DEPTOR: variants seen among roughly 807,000 people sequenced by gnomAD.
The protein encoded by DEPTOR is DEP domain-containing mTOR-interacting protein.
DEPTOR carries 41 observed loss-of-function variants against 41.6 expected under a neutral mutation model. The ratio of observed to expected loss-of-function variants is 0.98; its 90% CI spans 0.77 to 1.28. The LOEUF (loss-of-function observed/expected upper bound fraction) is 1.28. Ranked by LOEUF, DEPTOR falls within the 50% of genes most tolerant of loss-of-function variation. The probability of loss-of-function intolerance (pLI) is 0.00; values close to 1 mark genes in which losing one functional copy is unlikely to be tolerated. For synonymous variants in DEPTOR, 195 were observed against 192.3 expected, an observed-to-expected ratio of 1.01 and a Z score of -0.12; for missense variants, 514 against 527.9, an observed-to-expected ratio of 0.97 and a Z score of 0.26.
chr8:120,005,573 C>G (rs953335554), intron 6 of DEPTOR, among the ~76,000 whole-genome samples: 3 of 152,184 alleles, frequency 2.0e-5, no homozygotes, highest in Non-Finnish European at 4.4e-5. Flanking sequence ...CAAAGGGGAT[C>G]GGAGGATGCC....
intron 3 of DEPTOR, among the ~76,000 whole-genome samples, chr8:119,954,205 G>GCAATCACAGCAGT (rs1554675985): frequency 6.6e-6 from 1 of 151,476 alleles, no homozygotes; most frequent in Non-Finnish European, 1.5e-5. Context: ...GCACAGTGGT[G>GCAATCACAGCAGT]CAATCACAGC....
At chr8:119,907,003 G>A (rs921390144) in intron 1 of DEPTOR, among the ~76,000 whole-genome samples, 2 of 152,162 alleles carry the variant, frequency 1.3e-5, no homozygotes, top group African/African-American at 4.8e-5. Context: ...AATAGCCCTT[G>A]TATAAGCAGG....
chr8:119,971,146 T>C (rs950619894), intron 4 of DEPTOR, among the ~76,000 whole-genome samples: 1 of 149,116 alleles, frequency 6.7e-6, no homozygotes, highest in African/African-American at 2.5e-5. Context: ...GGCAGGATGA[T>C]GGTGTGAACC....
intron 1 of DEPTOR, among the ~76,000 whole-genome samples, chr8:119,875,064 T>C (rs1277259563): frequency 6.6e-6 from 1 of 152,214 alleles, no homozygotes; most frequent in Non-Finnish European, 1.5e-5. Context: ...TGATTTTTAA[T>C]GTTACAAAAG....
At chr8:119,906,362 G>A (rs1273153532) in intron 1 of DEPTOR, among the ~76,000 whole-genome samples, 9 of 151,894 alleles carry the variant, frequency 5.9e-5, no homozygotes, top group African/African-American at 1.9e-4. Context: ...AGGCTGAGGC[G>A]GGAAGATCAC....
At chr8:119,879,346 C>A (rs913623232) in intron 1 of DEPTOR, among the ~76,000 whole-genome samples, 2 of 151,960 alleles carry the variant, frequency 1.3e-5, no homozygotes, top group Admixed American at 1.3e-4. Context: ...AGGTATATAC[C>A]CAGGAGAAAT....
intron 3 of DEPTOR, among the ~76,000 whole-genome samples, chr8:119,941,550 T>G (rs895692833): frequency 6.6e-6 from 1 of 152,104 alleles, no homozygotes; most frequent in Non-Finnish European, 1.5e-5. Context: ...CAAAATGATA[T>G]CTAAACAGTT....
At chr8:119,903,587 G>C (rs748750840) in intron 1 of DEPTOR, among the ~76,000 whole-genome samples, 3 of 152,122 alleles carry the variant, frequency 2.0e-5, no homozygotes, top group Non-Finnish European at 2.9e-5. Flanking sequence ...AAGGACTCTT[G>C]CTTGGCCATC....
chr8:120,022,291 C>T (rs1203863990), intron 8 of DEPTOR, among the ~76,000 whole-genome samples: 1 of 151,712 alleles, frequency 6.6e-6, no homozygotes, highest in Non-Finnish European at 1.5e-5. Flanking sequence ...ACATTCGTAT[C>T]AGTGGGTTCA....
intron 8 of DEPTOR, among the ~76,000 whole-genome samples, chr8:120,012,143 T>C (rs995664220): frequency 2.0e-5 from 3 of 152,246 alleles, no homozygotes; most frequent in Non-Finnish European, 2.9e-5. Context: ...AAGGAATCTT[T>C]ATCAGTGTTG....
intron 1 of DEPTOR, among the ~76,000 whole-genome samples, chr8:119,880,143 A>G (rs946015428): frequency 7.7e-6 from 1 of 129,736 alleles, no homozygotes; most frequent in African/African-American, 3.3e-5. Flanking sequence ...CTCCGTCTCA[A>G]AATAAAATAA....
At chr8:119,904,415 G>A (rs112325385) in intron 1 of DEPTOR, among the ~76,000 whole-genome samples, 32,993 of 149,966 alleles carry the variant, frequency 0.22, 4,117 homozygotes, top group African/African-American at 0.33. Context: ...CACTGCGCCC[G>A]GCGTAAACCT....
intron 4 of DEPTOR, among the ~76,000 whole-genome samples, chr8:119,968,581 C>T (rs1234983630): frequency 1.3e-5 from 2 of 152,102 alleles, no homozygotes; most frequent in African/African-American, 2.4e-5. Flanking sequence ...GGATTACAGG[C>T]GTAAGCCACC....
intron 4 of DEPTOR, among the ~76,000 whole-genome samples, chr8:119,980,580 C>G (rs1031532771): frequency 6.8e-6 from 1 of 147,970 alleles, no homozygotes; most frequent in Non-Finnish European, 1.5e-5. Flanking sequence ...TGCAATGGTA[C>G]AATCTCGGCT....
chr8:119,912,249 T>C (rs548377376), intron 1 of DEPTOR, among the ~76,000 whole-genome samples: 1 of 152,258 alleles, frequency 6.6e-6, no homozygotes, highest in Admixed American at 6.5e-5. Flanking sequence ...AGGAAAATAA[T>C]GTTGGATAGA....
intron 6 of DEPTOR, among the ~76,000 whole-genome samples, chr8:120,004,633 T>G (rs538238489): frequency 1.3e-5 from 2 of 152,314 alleles, no homozygotes; most frequent in East Asian, 3.9e-4. Flanking sequence ...ATGTTTCCTC[T>G]TTCTCCTTGC....
chr8:120,035,633 G>A (rs572473862), intron 8 of DEPTOR, among the ~76,000 whole-genome samples: 1 of 152,182 alleles, frequency 6.6e-6, no homozygotes, highest in Non-Finnish European at 1.5e-5. Flanking sequence ...CCGGGTTCAA[G>A]TGATTCTCAT....
rs1423525565 is a variant in DEPTOR at position 120,031,712 on chromosome 8, A to C, written c.1102-17864A>C. Among the ~76,000 whole-genome samples, 6 of 152,054 alleles carry C rather than the reference A, an allele frequency of 3.9e-5. 1 individual carries two copies. Among genetic ancestry groups the C allele is most frequent in the African/African-American group, 1.4e-4 (6 of 41,478 alleles). ...TGCCTTAAACTTCCTTCTCCTGTTA[A>C]TCCCCTCCCCCATTTCCATCATTGC... On this transcript the variant is annotated intron_variant, in intron 8 of 8. Transcript: ENST00000286234.
intron 4 of DEPTOR, among the ~76,000 whole-genome samples, chr8:119,976,555 C>T (rs1271009509): frequency 6.6e-6 from 1 of 152,074 alleles, no homozygotes; most frequent in East Asian, 1.9e-4. Context: ...ATGGCAGAGC[C>T]AGCTGATAGT....
Sources: allele counts gnomAD v4.1 joint callset (sites outside exome capture counted in the v4.1 genomes callset), GRCh38; gene constraint gnomAD v4.1.1; transcripts MANE v1.5; gene names NCBI Gene and HGNC (gene_info 2026-07-23, HGNC 2026-07-21).